ATAD2B: variants seen among roughly 807,000 people sequenced by gnomAD.
ATAD2B encodes ATPase family AAA domain-containing protein 2B.
A neutral mutation model predicts 167.6 loss-of-function variants in ATAD2B; 40 were observed. The observed-to-expected ratio is 0.24, with a 90% CI of 0.19 to 0.31. ATAD2B has a LOEUF of 0.31. ATAD2B is among the 10% of genes least tolerant of loss of function. The pLI, the probability that ATAD2B is intolerant of heterozygous loss-of-function variation, is 1.00. For missense variants in ATAD2B, 1,242 were observed against 1,757.2 expected (o/e 0.71, Z 5.24); for synonymous variants, 579 against 596.5 (o/e 0.97, Z 0.43).
At chr2:23,693,147 A>G in the ATAD2B span, 2 of 1,136,506 alleles carry the variant, frequency 1.8e-6, no homozygotes, top group Non-Finnish European at 2.3e-6. Flanking sequence ...GGGACTCTGG[A>G]CACTGCAGTC....
At chr2:23,781,674 A>T (rs1680075796) in intron 22 of ATAD2B, among the ~76,000 whole-genome samples, 1 of 152,066 alleles carries the variant, frequency 6.6e-6, no homozygotes, top group Admixed American at 6.5e-5. Context: ...CAAAAAAATA[A>T]AAATAAACAA....
At chr2:23,830,567 A>C (rs1171585532) in intron 14 of ATAD2B, among the ~76,000 whole-genome samples, 1 of 152,212 alleles carries the variant, frequency 6.6e-6, no homozygotes, top group Non-Finnish European at 1.5e-5. Flanking sequence ...CATCAAGATA[A>C]ATCTTGCTCA....
rs1244819877 is a variant in ATAD2B, at chr2:23,887,962, C to T, written c.442G>A (p.Gly148Arg). The change falls in exon 4 of 28, where the codon GGG becomes AGG. Residue 148 changes from glycine to arginine, a missense_variant. Transcript: ENST00000238789. ...AGGTCCCCATCTCCCTTCTTTTCCC[C>T]TCGAAGGGGATGGCTTCGAAGGGCT... is the stretch of plus-strand genomic sequence containing the variant. Reference protein sequence around the residue: ...GLSLRSHPLRGEKKGDGDLSC... With the variant: ...GLSLRSHPLRREKKGDGDLSC... 1.9e-6 allele frequency: 3 copies of T among 1,599,270 alleles called. No homozygotes were observed. The highest frequency in any genetic ancestry group is 2.6e-6 in the Non-Finnish European group (3 of 1,174,732).
At chr2:23,898,940 G>A (rs1558760900) in intron 1 of ATAD2B, among the ~76,000 whole-genome samples, 2 of 152,190 alleles carry the variant, frequency 1.3e-5, no homozygotes, top group South Asian at 2.1e-4. Context: ...CCTGAGGTCA[G>A]GAGTTCGAGA....
At chr2:23,692,559 C>A in the ATAD2B span, among the ~76,000 whole-genome samples, 1 of 152,220 alleles carries the variant, frequency 6.6e-6, no homozygotes, top group Non-Finnish European at 1.5e-5. Flanking sequence ...GACAGAGGGG[C>A]ACCAAGCAGT....
intron 20 of ATAD2B, among the ~76,000 whole-genome samples, chr2:23,787,871 T>C (rs918457269): frequency 3.9e-5 from 6 of 152,048 alleles, no homozygotes; most frequent in African/African-American, 1.4e-4. Context: ...TTGAATGACT[T>C]AGAATGCAGC....
chr2:23,702,312 A>G, the ATAD2B span, among the ~76,000 whole-genome samples: 3 of 152,230 alleles, frequency 2.0e-5, no homozygotes, highest in African/African-American at 4.8e-5. Context: ...TGCTCTGAAC[A>G]CTTACATTAG....
At chr2:23,867,393 A>T (rs1409305221) in intron 10 of ATAD2B, among the ~76,000 whole-genome samples, 1 of 152,184 alleles carries the variant, frequency 6.6e-6, no homozygotes, top group Non-Finnish European at 1.5e-5. Flanking sequence ...AAACCCATTT[A>T]CTTCTTCAAA....
At chr2:23,758,659 G>A (rs1282242198) in intron 24 of ATAD2B, among the ~76,000 whole-genome samples, 1 of 152,204 alleles carries the variant, frequency 6.6e-6, no homozygotes, top group African/African-American at 2.4e-5. Context: ...ATGGATAGAT[G>A]CCTTATGAAG....
chr2:23,907,504 GGGTA>G (rs1005766287), intron 1 of ATAD2B, among the ~76,000 whole-genome samples: 1 of 152,150 alleles, frequency 6.6e-6, no homozygotes, highest in African/African-American at 2.4e-5. Context: ...CCATGCTCAT[GGGTA>G]GGAAGAATCA....
At chr2:23,917,288 T>C (rs542544432) in intron 1 of ATAD2B, among the ~76,000 whole-genome samples, 66 of 152,354 alleles carry the variant, frequency 4.3e-4, no homozygotes, top group African/African-American at 1.5e-3. Context: ...TTCTGGGTAT[T>C]TTAAGCACCA....
At chr2:23,781,035 T>C (rs972835985) in intron 22 of ATAD2B, among the ~76,000 whole-genome samples, 3 of 151,780 alleles carry the variant, frequency 2.0e-5, no homozygotes, top group Non-Finnish European at 4.4e-5. Flanking sequence ...CTCAATAGAG[T>C]GAAAAAGCGA....
In ATAD2B at chr2:23,798,433, T is replaced by G. The variant is rs1682938956; in HGVS notation, c.2455-110A>C. On this transcript the variant is annotated intron_variant, in intron 18 of 27. Transcript: ENST00000238789. ...GTCAGGCCTATTATGGTCATTAGTT[T>G]CAGCCTCAAAATTTAAGTTCAAGAT... 3 of 846,768 alleles carry G rather than the reference T, an allele frequency of 3.5e-6. No individual in the cohort carries two copies. In the Admixed American group the frequency reaches 9.9e-5, roughly 28 times the overall value. 52.5% of individuals were successfully genotyped at this position (846,768 alleles called of 1,614,324 possible).
At chr2:23,742,747 T>C in the ATAD2B span, among the ~76,000 whole-genome samples, 4 of 150,892 alleles carry the variant, frequency 2.7e-5, no homozygotes, top group Admixed American at 1.3e-4. Flanking sequence ...AAAAAAAAAA[T>C]CAAGAGAACT....
chr2:23,801,096 A>G (rs1204599110), intron 18 of ATAD2B, among the ~76,000 whole-genome samples: 1 of 152,156 alleles, frequency 6.6e-6, no homozygotes, highest in Non-Finnish European at 1.5e-5. Flanking sequence ...ATGTTATCTC[A>G]GAATATTAAA....
At chr2:23,692,215 C>T in the ATAD2B span, among the ~76,000 whole-genome samples, 7 of 152,242 alleles carry the variant, frequency 4.6e-5, no homozygotes, top group Non-Finnish European at 1.0e-4. Flanking sequence ...CCTCACAGTC[C>T]TGTTCTCTAG....
chr2:23,793,571 G>A (rs1682142611), intron 19 of ATAD2B, among the ~76,000 whole-genome samples: 2 of 152,134 alleles, frequency 1.3e-5, no homozygotes, highest in African/African-American at 2.4e-5. Flanking sequence ...AATTCTGCAT[G>A]GTTCTCAAGT....
chr2:23,866,438 T>C (rs1041617738), intron 10 of ATAD2B, among the ~76,000 whole-genome samples: 8 of 152,060 alleles, frequency 5.3e-5, no homozygotes, highest in Non-Finnish European at 8.8e-5. Context: ...GAATTTAGTC[T>C]ACTTTGGCAG....
the ATAD2B span, chr2:23,707,899 G>C: frequency 6.6e-6 from 1 of 152,284 alleles, no homozygotes; most frequent in Non-Finnish European, 1.5e-5. Flanking sequence ...CCAGGAGGGA[G>C]GTCACACCAT....
Sources: gnomAD v4.1 joint callset for allele counts (sites outside exome capture counted in the v4.1 genomes callset) on GRCh38, gnomAD v4.1.1 for gene constraint, MANE v1.5 for transcripts, NCBI Gene and HGNC (gene_info 2026-07-23, HGNC 2026-07-21) for gene names.